Variants in ASB3 observed in about 807,000 individuals in gnomAD.
ASB3 encodes the protein ankyrin repeat and SOCS box protein 3.
Under a neutral mutation model 54.5 loss-of-function variants are expected in ASB3, and 41 were observed. The ratio of observed to expected loss-of-function variants is 0.75; its 90% CI spans 0.59 to 0.98. ASB3 has a LOEUF of 0.98. Ranked by LOEUF, ASB3 falls within the 50% of genes least tolerant of loss-of-function variation. The pLI is 0.00. For missense variants in ASB3, 733 were observed against 620.0 expected, an observed-to-expected ratio of 1.18 and a Z score of -1.94; for synonymous variants, 266 against 221.2, an observed-to-expected ratio of 1.20 and a Z score of -1.80.
intron 2 of ASB3, among the ~76,000 whole-genome samples, chr2:53,752,092 G>A (rs1196227097): frequency 6.6e-6 from 1 of 152,194 alleles, no homozygotes; most frequent in Non-Finnish European, 1.5e-5. Flanking sequence ...GACATCAGTA[G>A]ATTGGCTCCT....
At chr2:53,680,043 T>C (rs1039875658) in intron 9 of ASB3, among the ~76,000 whole-genome samples, 1 of 152,204 alleles carries the variant, frequency 6.6e-6, no homozygotes, top group African/African-American at 2.4e-5. Context: ...GGCCTCCAGC[T>C]CCACCTCTGT....
At chr2:53,770,851 CAAAGT>C (rs768088050) in intron 1 of ASB3, among the ~76,000 whole-genome samples, 32 of 152,174 alleles carry the variant, frequency 2.1e-4, no homozygotes, top group South Asian at 2.1e-3. Context: ...TTAAATAGGG[CAAAGT>C]AAAGTTCATT....
chr2:53,724,307 C>G (rs1162537725), intron 5 of ASB3, among the ~76,000 whole-genome samples: 2 of 152,114 alleles, frequency 1.3e-5, no homozygotes, highest in African/African-American at 4.8e-5. Flanking sequence ...CCATTAAGAA[C>G]TGGGCAAAAG....
chr2:53,773,063 CAGTT>C (rs1203594545), intron 1 of ASB3, among the ~76,000 whole-genome samples: 2 of 151,992 alleles, frequency 1.3e-5, no homozygotes, highest in Non-Finnish European at 2.9e-5. Flanking sequence ...AAAAATCAAG[CAGTT>C]AGTAATGGCA....
At chr2:53,693,811 A>G in intron 9 of ASB3, 73 bp downstream of exon 9, 1 of 1,545,760 alleles carries the variant, frequency 6.5e-7, no homozygotes, top group Admixed American at 1.9e-5. Flanking sequence ...CTTATCACTT[A>G]AAATTACAAC....
intron 7 of ASB3, among the ~76,000 whole-genome samples, chr2:53,708,883 T>A (rs1669937935): frequency 6.6e-6 from 1 of 152,196 alleles, no homozygotes; most frequent in South Asian, 2.1e-4. Context: ...TATGCTCATA[T>A]GCATGAGCAA....
chr2:53,674,325 T>C (rs542098345), intron 9 of ASB3, among the ~76,000 whole-genome samples: 1 of 152,306 alleles, frequency 6.6e-6, no homozygotes, highest in East Asian at 1.9e-4. Context: ...TTAAACTTAG[T>C]TTATCCATAG....
chr2:53,768,486 G>C (rs1197600360), intron 1 of ASB3, among the ~76,000 whole-genome samples: 1 of 152,198 alleles, frequency 6.6e-6, no homozygotes, highest in African/African-American at 2.4e-5. Flanking sequence ...GCGATTAAAC[G>C]TGCATGTTAC....
chr2:53,677,860 C>A (rs1668164169), intron 9 of ASB3, among the ~76,000 whole-genome samples: 1 of 152,084 alleles, frequency 6.6e-6, no homozygotes, highest in Non-Finnish European at 1.5e-5. Flanking sequence ...TATCTCAAGG[C>A]ACACTACATG....
At chr2:53,679,785 G>C (rs760479935) in intron 9 of ASB3, among the ~76,000 whole-genome samples, 6 of 152,016 alleles carry the variant, frequency 3.9e-5, no homozygotes, top group Non-Finnish European at 8.8e-5. Context: ...ACATGTGTAA[G>C]TTCATTACGT....
intron 5 of ASB3, among the ~76,000 whole-genome samples, chr2:53,721,494 C>G (rs919664936): frequency 6.6e-6 from 1 of 151,726 alleles, no homozygotes; most frequent in Non-Finnish European, 1.5e-5. Flanking sequence ...TTGCTTGAAC[C>G]TGGGAGGCGG....
intron 3 of ASB3, among the ~76,000 whole-genome samples, chr2:53,744,602 A>G (rs1672128096): frequency 6.6e-6 from 1 of 152,158 alleles, no homozygotes; most frequent in African/African-American, 2.4e-5. Context: ...TTACATGACA[A>G]TCACTGAAGA....
intron 2 of ASB3, among the ~76,000 whole-genome samples, chr2:53,753,117 A>G (rs182061845): frequency 8.3e-4 from 126 of 152,310 alleles, no homozygotes; most frequent in Admixed American, 2.0e-3. Flanking sequence ...TGACAAAAGA[A>G]TCTAATTGAA....
At position 53,753,248 on chromosome 2, in the gene ASB3, A is replaced by G. The variant is rs180838658; in HGVS notation, c.197-2307T>C. Among the ~76,000 whole-genome samples the G allele has an allele frequency of 6.6e-5, 10 of 152,352 alleles. No homozygotes were observed. In the East Asian group the frequency reaches 1.9e-3, roughly 29 times the overall value. ...ACTAAAGACAAAAAGAACTGCACAT[A>G]AACACTATAGTCTAGTTGGTAAAGT... On this transcript the variant is annotated intron_variant, in intron 2 of 9. Coordinates refer to ENST00000263634, the MANE Select transcript of ASB3 (RefSeq NM_016115.5).
At chr2:53,756,598 C>T (rs190518144) in intron 2 of ASB3, among the ~76,000 whole-genome samples, 2 of 152,214 alleles carry the variant, frequency 1.3e-5, no homozygotes, top group African/African-American at 2.4e-5. Context: ...TGTGGGCAGG[C>T]ATCATGTAAT....
chr2:53,707,753 C>A (rs749524838), intron 7 of ASB3, among the ~76,000 whole-genome samples: 2 of 151,084 alleles, frequency 1.3e-5, no homozygotes, highest in Admixed American at 1.3e-4. Flanking sequence ...CTTGAGCTTA[C>A]GAGTTATAGA....
At chr2:53,763,912 T>C (rs920255641) in intron 2 of ASB3, among the ~76,000 whole-genome samples, 5 of 152,216 alleles carry the variant, frequency 3.3e-5, no homozygotes, top group African/African-American at 1.2e-4. Context: ...AACACTCAAC[T>C]ATAATAGACA....
intron 2 of ASB3, among the ~76,000 whole-genome samples, chr2:53,754,597 T>G (rs909117559): frequency 6.6e-6 from 1 of 152,196 alleles, no homozygotes; most frequent in Non-Finnish European, 1.5e-5. Context: ...GGATTGAGGC[T>G]GCAACTTTGA....
At chr2:53,758,414 C>T (rs548034042) in intron 2 of ASB3, among the ~76,000 whole-genome samples, 1 of 152,326 alleles carries the variant, frequency 6.6e-6, no homozygotes, top group African/African-American at 2.4e-5. Flanking sequence ...AAAAACTCTA[C>T]CTCAATCCTA....
Sources: gnomAD v4.1 joint callset for allele counts (sites outside exome capture counted in the v4.1 genomes callset) on GRCh38, gnomAD v4.1.1 for gene constraint, MANE v1.5 for transcripts, NCBI Gene and HGNC (gene_info 2026-07-23, HGNC 2026-07-21) for gene names.